SRBD1: variants seen among roughly 807,000 people sequenced by gnomAD.
SRBD1 encodes S1 RNA binding domain 1.
SRBD1 carries 88 observed loss-of-function variants against 115.3 expected under a neutral mutation model. That is an observed-to-expected ratio of 0.76 (90% confidence interval 0.64 to 0.91). SRBD1 has a LOEUF of 0.91. SRBD1 is among the 40% of genes least tolerant of loss of function. The pLI is 0.00. For synonymous variants in SRBD1, 509 were observed against 407.7 expected (o/e 1.25, Z -2.99); for missense variants, 1,385 against 1,177.4 (o/e 1.18, Z -2.58).
chr2:45,485,142 T>C (rs1670079837), intron 15 of SRBD1, among the ~76,000 whole-genome samples: 1 of 152,162 alleles, frequency 6.6e-6, no homozygotes, highest in African/African-American at 2.4e-5. Flanking sequence ...TCTCGTTGCT[T>C]TTTAAACAGA....
At chr2:45,518,964 TAAAA>T (rs11362482) in intron 14 of SRBD1, among the ~76,000 whole-genome samples, 2 of 111,172 alleles carry the variant, frequency 1.8e-5, no homozygotes, top group African/African-American at 6.1e-5. Flanking sequence ...CGAATAAGGC[TAAAA>T]AAAAAAAAAA....
At chr2:45,550,444 T>C (rs1572764111) in intron 12 of SRBD1, among the ~76,000 whole-genome samples, 1 of 131,940 alleles carries the variant, frequency 7.6e-6, no homozygotes, top group Non-Finnish European at 1.6e-5. Flanking sequence ...AAAGGAACAA[T>C]AACAAATAAC....
At chr2:45,435,106 T>C (rs1282561459) in intron 16 of SRBD1, among the ~76,000 whole-genome samples, 1 of 152,150 alleles carries the variant, frequency 6.6e-6, no homozygotes, top group Non-Finnish European at 1.5e-5. Flanking sequence ...CATGAACTCA[T>C]CCTTTTTTAT....
intron 19 of SRBD1, among the ~76,000 whole-genome samples, chr2:45,402,097 C>A (rs564208196): frequency 6.6e-6 from 1 of 152,208 alleles, no homozygotes; most frequent in East Asian, 1.9e-4. Flanking sequence ...ATTTTAGCTC[C>A]ACGGCAGGGA....
At chr2:45,583,941 C>G (rs144798062) in intron 5 of SRBD1, among the ~76,000 whole-genome samples, 9 of 152,262 alleles carry the variant, frequency 5.9e-5, no homozygotes, top group African/African-American at 2.2e-4. Flanking sequence ...TAATAATATT[C>G]TTGATATACA....
At chr2:45,418,611 A>G (rs1667905211) in intron 17 of SRBD1, 70 bp from the exon 18 acceptor site, 5 of 1,408,024 alleles carry the variant, frequency 3.6e-6, no homozygotes, top group Admixed American at 4.6e-5. Context: ...AAACATTTGG[A>G]TCATAAAAAC....
At chr2:45,513,091 C>T (rs973293805) in intron 14 of SRBD1, among the ~76,000 whole-genome samples, 1 of 152,080 alleles carries the variant, frequency 6.6e-6, no homozygotes. Flanking sequence ...GCTATATACC[C>T]CCATGGCCTC....
At chr2:45,426,516 C>T (rs1464358559) in intron 16 of SRBD1, among the ~76,000 whole-genome samples, 1 of 152,206 alleles carries the variant, frequency 6.6e-6, no homozygotes. Flanking sequence ...GACAGACTGC[C>T]TCCTCAAGTG....
intron 19 of SRBD1, among the ~76,000 whole-genome samples, chr2:45,401,962 A>G (rs1361752883): frequency 6.6e-6 from 1 of 152,194 alleles, no homozygotes; most frequent in African/African-American, 2.4e-5. Context: ...TCTGAAGGCA[A>G]TTCTCAAGGA....
At chr2:45,604,916 A>G (rs967539492) in intron 2 of SRBD1, among the ~76,000 whole-genome samples, 15 of 152,194 alleles carry the variant, frequency 9.9e-5, no homozygotes, top group Admixed American at 9.2e-4. Context: ...AGCAATGTCT[A>G]GAGACATTTT....
chr2:45,460,356 A>G (rs1669276203), intron 16 of SRBD1, among the ~76,000 whole-genome samples: 1 of 152,176 alleles, frequency 6.6e-6, no homozygotes, highest in African/African-American at 2.4e-5. Flanking sequence ...ACTTTTTTAA[A>G]AGGCTGGTTG....
At chr2:45,534,939 C>A (rs1241248217) in intron 14 of SRBD1, among the ~76,000 whole-genome samples, 1 of 151,738 alleles carries the variant, frequency 6.6e-6, no homozygotes, top group Non-Finnish European at 1.5e-5. Flanking sequence ...AAAAAGAAAC[C>A]CGAGAAATCA....
chr2:45,575,930 G>A lies in SRBD1; in HGVS notation c.1073-1207C>T, dbSNP rs1018376150. Reference sequence around the variant, plus strand: ...TGTTGGCCAGCCTGGTCTCGAACTCGTGACCTCAAGTGATCTGCCCCCCTC... The same window carrying A: ...TGTTGGCCAGCCTGGTCTCGAACTCATGACCTCAAGTGATCTGCCCCCCTC... On this transcript the variant is annotated intron_variant, in intron 7 of 20. Coordinates refer to ENST00000263736, the MANE Select transcript of SRBD1 (RefSeq NM_018079.5). Among the ~76,000 whole-genome samples, 10 of 152,166 alleles carry A rather than the reference G, an allele frequency of 6.6e-5. No homozygotes were observed. In the South Asian group the frequency reaches 1.0e-3, roughly 16 times the overall value.
chr2:45,473,796 T>C (rs1375739688), intron 16 of SRBD1, among the ~76,000 whole-genome samples: 4 of 152,236 alleles, frequency 2.6e-5, no homozygotes, highest in Admixed American at 2.0e-4. Flanking sequence ...CCTTTTGTTA[T>C]TCTTTACTTC....
Position 45,579,892 on chromosome 2 carries a change from A to C in SRBD1, c.1055T>G (p.Ile352Ser). 1 of 1,597,756 alleles carries C rather than the reference A, an allele frequency of 6.3e-7. No individual in the cohort carries two copies. The highest frequency in any genetic ancestry group is 8.5e-7 in the Non-Finnish European group (1 of 1,174,450). ...GCCAGTACCTTTAACGTCAGGCCTA[A>C]TGTACGATAGCAGACTGAGCTCCCC... ...KPGELSLLSY[I>S]RPDVKGLSTL... Residue 352 changes from isoleucine (I) to serine (S), a missense_variant, in exon 7 of 21, where the codon ATT becomes AGT. Transcript: ENST00000263736.
chr2:45,591,912 G>C lies in SRBD1; in HGVS notation c.649-6138C>G, dbSNP rs921078291. Among the ~76,000 whole-genome samples, 8 of 152,160 alleles carry C rather than the reference G, an allele frequency of 5.3e-5. No homozygotes were observed. In the East Asian group the frequency reaches 1.5e-3, roughly 29 times the overall value. The stretch of plus-strand genomic sequence containing the variant: ...CAAAATGGTGGAGTATGACCTTCCA[G>C]TGTGATATGGTTTGGCTATGTGCCC... On this transcript the variant is annotated intron_variant, in intron 4 of 20. Transcript: ENST00000263736.
chr2:45,585,832 G>T (rs1673504442), intron 4 of SRBD1, 58 bp from the exon 5 acceptor site: 1 of 1,351,296 alleles, frequency 7.4e-7, no homozygotes. Flanking sequence ...TCTATATCAT[G>T]TATAATTTAA....
chr2:45,553,768 C>T (rs201021384), intron 10 of SRBD1, 38 bp from the exon 11 acceptor site: 705 of 1,384,442 alleles, frequency 5.1e-4, no homozygotes, highest in Non-Finnish European at 6.4e-4. Flanking sequence ...ACTGATGCAA[C>T]AATAAATAAG....
intron 14 of SRBD1, among the ~76,000 whole-genome samples, chr2:45,501,855 C>T (rs1219176249): frequency 6.6e-6 from 1 of 152,196 alleles, no homozygotes; most frequent in Non-Finnish European, 1.5e-5. Context: ...TAGACTCCAC[C>T]TCTGGGGGCA....
Sources: allele counts gnomAD v4.1 joint callset (sites outside exome capture counted in the v4.1 genomes callset), GRCh38; gene constraint gnomAD v4.1.1; transcripts MANE v1.5; gene names NCBI Gene and HGNC (gene_info 2026-07-23, HGNC 2026-07-21).